ACSM1: variants seen among roughly 807,000 people sequenced by gnomAD.
The protein encoded by ACSM1 is acyl-CoA synthetase medium chain family member 1, also known as acyl-coenzyme A synthetase ACSM1, mitochondrial.
In ACSM1, 79 loss-of-function variants were observed where a neutral mutation model predicts 75.8. The ratio of observed to expected loss-of-function variants is 1.04; its 90% CI spans 0.87 to 1.26. The LOEUF (loss-of-function observed/expected upper bound fraction) is 1.26, where lower values mean the gene tolerates loss of function less well. ACSM1 is among the 50% of genes most tolerant of loss of function. The pLI, the probability that ACSM1 is intolerant of heterozygous loss-of-function variation, is 0.00. For synonymous variants in ACSM1, 279 were observed against 265.8 expected (o/e 1.05, Z -0.48); for missense variants, 676 against 720.1 (o/e 0.94, Z 0.70).
intron 7 of ACSM1, among the ~76,000 whole-genome samples, chr16:20,645,883 C>T (rs2018332286): frequency 6.6e-6 from 1 of 152,188 alleles, no homozygotes; most frequent in African/African-American, 2.4e-5. Flanking sequence ...TCCTACTGCT[C>T]TTCTGGAGAG....
At position 20,627,887 on chromosome 16, in the gene ACSM1, TATATATATA is replaced by T. The variant is rs2017075635; in HGVS notation, c.1300-580_1300-572del. ...ATGTATACATATATATATATATATA[TATATATATA>T]TATATATATATATATATATATATAT... is the stretch of plus-strand genomic sequence containing the variant. On this transcript the variant is annotated intron_variant, in intron 10 of 13. Coordinates refer to ENST00000520010, the MANE Select transcript of ACSM1 (RefSeq NM_001318890.3). Among the ~76,000 whole-genome samples the T allele has an allele frequency of 3.6e-4, 10 of 27,890 alleles. 1 individual carries two copies. The highest frequency in any genetic ancestry group is 2.8e-4 in the Non-Finnish European group (3 of 10,788). 18.3% of individuals were successfully genotyped at this position (27,890 alleles called of 152,430 possible).
In ACSM1 at chr16:20,688,637, GA is replaced by G. The variant is rs199595975; in HGVS notation, c.192+2359del. 2.7e-4 allele frequency among the ~76,000 whole-genome samples: 41 copies of G among 150,348 alleles called. 1 individual carries two copies. The East Asian group carries it at 6.8e-3, about 25-fold the overall frequency. ...GGATGATATATTTAAAGGGCTTAAA[GA>G]AAAAAAAAGCCAACCAAGAATTTTA... On this transcript the variant is annotated intron_variant, in intron 2 of 13. Coordinates refer to ENST00000520010, the MANE Select transcript of ACSM1 (RefSeq NM_001318890.3).
intron 10 of ACSM1, among the ~76,000 whole-genome samples, chr16:20,630,676 T>C (rs986161463): frequency 2.0e-5 from 3 of 152,158 alleles, no homozygotes; most frequent in Admixed American, 6.6e-5. Flanking sequence ...TAACTGGATC[T>C]AGCAGACATA....
chr16:20,640,676 T>A, intron 7 of ACSM1, 92 bp from the exon 8 acceptor site: 1 of 1,564,748 alleles, frequency 6.4e-7, no homozygotes, highest in South Asian at 1.2e-5. Context: ...CATTCATCCT[T>A]CTAGTTCCTC....
Position 20,625,501 on chromosome 16 carries a change from C to T in ACSM1, c.1449G>A (p.Glu483=). The stretch of plus-strand genomic sequence containing the variant: ...GGTGCTCCACCAAAGCGCTTTCAAC[C>T]TCTGCAGGCCCGATGCGATACCTGG... ...NASGYRIGPA[E]VESALVEHPA... is the part of the protein sequence containing the mutation. The change falls in exon 12 of 14, where the codon GAG becomes GAA. Residue 483 remains glutamate (E), a synonymous_variant. Transcript: ENST00000520010. 4 of 1,614,128 alleles carry T rather than the reference C, an allele frequency of 2.5e-6. No homozygotes were observed. The highest frequency in any genetic ancestry group is 1.1e-5 in the South Asian group (1 of 91,068).
chr16:20,666,718 G>A (rs2152266387), intron 6 of ACSM1, among the ~76,000 whole-genome samples: 1 of 152,274 alleles, frequency 6.6e-6, no homozygotes, highest in East Asian at 1.9e-4. Context: ...TATGTCATAA[G>A]GCTACAGTAA....
At chr16:20,690,645 G>A (rs796216567) in intron 2 of ACSM1, among the ~76,000 whole-genome samples, 1 of 152,220 alleles carries the variant, frequency 6.6e-6, no homozygotes, top group Admixed American at 6.5e-5. Context: ...AAGACACATT[G>A]TCCCATTCAC....
At chr16:20,623,593 T>C (rs749442506) in intron 13 of ACSM1, 21 bp from the exon 14 acceptor site, 4 of 1,607,074 alleles carry the variant, frequency 2.5e-6, no homozygotes, top group Non-Finnish European at 3.4e-6. Flanking sequence ...ATAAAGCAAA[T>C]CCACAGTGAT....
At chr16:20,639,887 C>A (rs1417126463) in intron 8 of ACSM1, among the ~76,000 whole-genome samples, 3 of 152,188 alleles carry the variant, frequency 2.0e-5, no homozygotes, top group Non-Finnish European at 4.4e-5. Flanking sequence ...ATCAGTCAAA[C>A]CTGCCTCTCA....
rs368351944 is a variant in ACSM1, at chr16:20,624,253, C to T, written c.1528-38G>A. 5 of 1,571,742 alleles carry T rather than the reference C, an allele frequency of 3.2e-6. No individual in the cohort carries two copies. In the South Asian group the frequency reaches 5.9e-5, roughly 18 times the overall value. ...GTCATGGGCTCACAGTGAGTGCCAA[C>T]CTACTCCATAGCTTAAAAAGTCAAT... On this transcript the variant is annotated intron_variant, in intron 12 of 13. Transcript: ENST00000520010.
At chr16:20,662,849 A>T (rs566911141) in intron 6 of ACSM1, among the ~76,000 whole-genome samples, 1 of 152,184 alleles carries the variant, frequency 6.6e-6, no homozygotes, top group African/African-American at 2.4e-5. Context: ...CTACCCCAAC[A>T]GGTGTCTTTA....
At chr16:20,663,441 G>GACCC (rs1415452589) in intron 6 of ACSM1, among the ~76,000 whole-genome samples, 1 of 151,994 alleles carries the variant, frequency 6.6e-6, no homozygotes, top group African/African-American at 2.4e-5. Context: ...TGGTCCCCTG[G>GACCC]ACCCACCTTA....
chr16:20,690,892 G>C (rs2079640629), intron 2 of ACSM1, 105 bp downstream of exon 2: 1 of 1,096,660 alleles, frequency 9.1e-7, no homozygotes, highest in Non-Finnish European at 1.3e-6. Flanking sequence ...CTGATAAGTT[G>C]AGGCAGAAGT....
At chr16:20,658,886 A>C (rs897996660) in intron 7 of ACSM1, among the ~76,000 whole-genome samples, 1 of 152,200 alleles carries the variant, frequency 6.6e-6, no homozygotes, top group African/African-American at 2.4e-5. Flanking sequence ...GGTTGAAATA[A>C]CCCTTAATAA....
At chr16:20,651,194 T>C (rs1341720433) in intron 7 of ACSM1, among the ~76,000 whole-genome samples, 1 of 152,236 alleles carries the variant, frequency 6.6e-6, no homozygotes, top group African/African-American at 2.4e-5. Flanking sequence ...TAAGACGATT[T>C]AGCTGACAAC....
rs1178409481 is a variant in ACSM1 at position 20,691,135 on chromosome 16, G to A, written c.54C>T (p.His18=). ...GCTGTGAAGGGGCAGGGTGGATGTT[G>A]TGGAAGGATTTGTGGATGCCCCAGA... is the stretch of plus-strand genomic sequence containing the variant. ...RTLWGIHKSF[H]NIHPAPSQLR... is the part of the protein sequence containing the mutation. Residue 18 remains histidine, a synonymous_variant, in exon 2 of 14, where the codon CAC becomes CAT. Coordinates refer to ENST00000520010, the MANE Select transcript of ACSM1 (RefSeq NM_001318890.3). The A allele has an allele frequency of 3.1e-6, 5 of 1,612,934 alleles. No individual in the cohort carries two copies. In the Middle Eastern group the frequency reaches 5.0e-4, roughly 160 times the overall value.
In ACSM1 at chr16:20,685,517, A is replaced by T; in HGVS notation, c.193-114T>A. 6 of 997,752 alleles carry T rather than the reference A, an allele frequency of 6.0e-6. 1 individual carries two copies. The South Asian group carries it at 8.3e-5, about 14-fold the overall frequency. 61.8% of individuals were successfully genotyped at this position (997,752 alleles called of 1,614,324 possible). ...ATGTGAACACAGCTTAAGGACTGAG[A>T]TCCCATTTTAAAACATTTATACAGC... On this transcript the variant is annotated intron_variant, in intron 2 of 13. Transcript: ENST00000520010.
chr16:20,692,007 T>G (rs1038106806), intron 1 of ACSM1, among the ~76,000 whole-genome samples: 3 of 152,158 alleles, frequency 2.0e-5, no homozygotes, highest in African/African-American at 4.8e-5. Context: ...TTCCTCTGCA[T>G]GTCTGCCCCT....
intron 4 of ACSM1, among the ~76,000 whole-genome samples, chr16:20,673,435 C>T (rs231932): frequency 0.011 from 1,718 of 152,226 alleles, 15 homozygotes; most frequent in Non-Finnish European, 0.019. Context: ...TAGACTACAG[C>T]ATAAGATGTG....
Sources: allele counts gnomAD v4.1 joint callset (sites outside exome capture counted in the v4.1 genomes callset), GRCh38; gene constraint gnomAD v4.1.1; transcripts MANE v1.5; gene names NCBI Gene and HGNC (gene_info 2026-07-23, HGNC 2026-07-21).